TJP1: variants seen among roughly 807,000 people sequenced by gnomAD.
The protein encoded by TJP1 is tight junction protein 1, also known as tight junction protein ZO-1.
TJP1 carries 43 observed loss-of-function variants against 194.2 expected under a neutral mutation model. The ratio of observed to expected loss-of-function variants is 0.22; its 90% confidence interval spans 0.17 to 0.29. The LOEUF (loss-of-function observed/expected upper bound fraction) is 0.29, where lower values mean the gene tolerates loss of function less well. Ranked by LOEUF, TJP1 falls within the 10% of genes least tolerant of loss-of-function variation. The pLI, the probability that TJP1 is intolerant of heterozygous loss-of-function variation, is 1.00. For missense variants in TJP1, 1,971 were observed against 2,185.7 expected (o/e 0.90, Z 1.96); for synonymous variants, 801 against 779.0 (o/e 1.03, Z -0.47).
At chr15:29,921,308 T>G (rs2054350458) in intron 2 of TJP1, among the ~76,000 whole-genome samples, 1 of 152,176 alleles carries the variant, frequency 6.6e-6, no homozygotes, top group Admixed American at 6.5e-5. Context: ...TTCCTTTCAT[T>G]CCAGCTCACT....
At chr15:29,702,083 TCAGTAG>T (rs1360540427) in intron 27 of TJP1, among the ~76,000 whole-genome samples, 2 of 151,374 alleles carry the variant, frequency 1.3e-5, no homozygotes, top group East Asian at 3.9e-4. Flanking sequence ...CACATAATTA[TCAGTAG>T]CACTTTTTTT....
At chr15:29,897,908 T>G (rs2053526645) in intron 2 of TJP1, among the ~76,000 whole-genome samples, 2 of 152,168 alleles carry the variant, frequency 1.3e-5, no homozygotes, top group Admixed American at 1.3e-4. Context: ...TGCTTTTGAT[T>G]TTACAGGCTG....
In TJP1 at chr15:29,761,300, G is replaced by A. The variant is rs768210003; in HGVS notation, c.863-14C>T. The A allele has an allele frequency of 2.5e-5, 40 of 1,613,296 alleles. No individual in the cohort carries two copies. The highest frequency in any genetic ancestry group is 3.2e-5 in the Non-Finnish European group (38 of 1,179,818). ...TTTCTGAAATGTCTGTTAATAAAAG[G>A]GTGCTACTTATTTTCCCACAAAAAT... On this transcript the variant is annotated splice_polypyrimidine_tract_variant and intron_variant, in intron 7 of 27. Transcript: ENST00000614355.
intron 2 of TJP1, among the ~76,000 whole-genome samples, chr15:29,778,346 T>A (rs1216357407): frequency 2.7e-5 from 4 of 150,900 alleles, no homozygotes; most frequent in East Asian, 1.9e-4. Flanking sequence ...AAAAAAAAAA[T>A]AGCCCCCAGG....
intron 2 of TJP1, among the ~76,000 whole-genome samples, chr15:29,834,019 A>AC (rs11464697): frequency 0.86 from 109,998 of 128,190 alleles, 47,307 homozygotes; most frequent in East Asian, 0.96. Flanking sequence ...AGTAGCTGGG[A>AC]TACAGGCGCC....
chr15:29,844,086 C>T (rs1046382669), intron 2 of TJP1, among the ~76,000 whole-genome samples: 1 of 152,132 alleles, frequency 6.6e-6, no homozygotes, highest in Non-Finnish European at 1.5e-5. Flanking sequence ...GCTCTGTCGC[C>T]CAGGCTGGAG....
chr15:29,747,906 T>A (rs1366250865), intron 8 of TJP1, among the ~76,000 whole-genome samples: 6 of 152,216 alleles, frequency 3.9e-5, no homozygotes. Flanking sequence ...ATACAATCAT[T>A]ATAACATTAA....
At chr15:29,888,599 T>G (rs907780355) in intron 2 of TJP1, among the ~76,000 whole-genome samples, 7 of 152,186 alleles carry the variant, frequency 4.6e-5, no homozygotes, top group African/African-American at 1.7e-4. Context: ...TATGAGGCAT[T>G]TAAATACAAA....
At chr15:29,773,186 AG>A (rs2046802372) in intron 3 of TJP1, 46 bp downstream of exon 3, 1 of 1,606,794 alleles carries the variant, frequency 6.2e-7, no homozygotes, top group Non-Finnish European at 8.5e-7. Flanking sequence ...GCCTGAGGAG[AG>A]GAACACTGCT....
At chr15:29,842,769 C>T (rs897883730) in intron 2 of TJP1, among the ~76,000 whole-genome samples, 1 of 152,196 alleles carries the variant, frequency 6.6e-6, no homozygotes, top group Non-Finnish European at 1.5e-5. Context: ...TTTCCCTTAA[C>T]CCTGCTGCCC....
chr15:29,887,671 T>C (rs2053165657), intron 2 of TJP1, among the ~76,000 whole-genome samples: 1 of 152,294 alleles, frequency 6.6e-6, no homozygotes, highest in African/African-American at 2.4e-5. Flanking sequence ...TAGAAGAATC[T>C]AAAAAGAACA....
upstream of TJP1, chr15:29,822,510 C>A: frequency 2.0e-6 from 2 of 980,492 alleles, no homozygotes; most frequent in Non-Finnish European, 1.2e-6. Context: ...CCCGGCCCGG[C>A]GGGGGCGGGG....
At chr15:29,929,729 T>G (rs1197536243) in intron 2 of TJP1, among the ~76,000 whole-genome samples, 1 of 151,608 alleles carries the variant, frequency 6.6e-6, no homozygotes, top group African/African-American at 2.4e-5. Context: ...AATAAATAAA[T>G]GTATGACTCA....
chr15:29,718,688 C>T lies in TJP1; in HGVS notation c.3454G>A (p.Ala1152Thr). ...SRPRYEQAPR[A>T]SALRHEEQPA... ...TGCTCTTCGTGCCGCAGGGCGGATGCTCTAGGTGCCTGTTCGTAACGTGGT... is the reference window on the plus strand; with the variant it reads ...TGCTCTTCGTGCCGCAGGGCGGATGTTCTAGGTGCCTGTTCGTAACGTGGT... The change falls in exon 21 of 28, where the codon GCA becomes ACA. Residue 1152 changes from alanine (A) to threonine (T), a missense_variant. This residue lies in a region of TJP1 where 1,108 missense variants were observed against 1,128.5 expected (regional missense o/e 0.98). Coordinates refer to ENST00000614355, the MANE Select transcript of TJP1 (RefSeq NM_001330239.4). 2 of 1,614,102 alleles carry T rather than the reference C, an allele frequency of 1.2e-6. No homozygotes were observed. Among genetic ancestry groups the T allele is most frequent in the Non-Finnish European group, 1.7e-6 (2 of 1,180,022 alleles).
intron 2 of TJP1, among the ~76,000 whole-genome samples, chr15:29,871,382 A>C (rs1371713199): frequency 6.6e-6 from 1 of 152,230 alleles, no homozygotes; most frequent in Admixed American, 6.5e-5. Flanking sequence ...ATCTCCTTCC[A>C]GCTCCCCTCA....
intron 2 of TJP1, among the ~76,000 whole-genome samples, chr15:29,933,759 T>G (rs995073107): frequency 1.3e-5 from 2 of 152,082 alleles, no homozygotes; most frequent in Admixed American, 6.6e-5. Flanking sequence ...AGACTAAAGA[T>G]GCTGGGAAGA....
At chr15:29,930,887 AAT>A (rs2152269880) in intron 2 of TJP1, among the ~76,000 whole-genome samples, 1 of 152,342 alleles carries the variant, frequency 6.6e-6, no homozygotes, top group African/African-American at 2.4e-5. Flanking sequence ...CTGAAAATAC[AAT>A]AGTCAGTTAC....
At chr15:29,793,702 T>C (rs985291633) in intron 2 of TJP1, among the ~76,000 whole-genome samples, 1 of 152,174 alleles carries the variant, frequency 6.6e-6, no homozygotes, top group Non-Finnish European at 1.5e-5. Flanking sequence ...AAACCATTCA[T>C]GAGAACTCCA....
intron 2 of TJP1, among the ~76,000 whole-genome samples, chr15:29,877,958 C>T (rs2043927750): frequency 1.3e-5 from 2 of 152,258 alleles, no homozygotes; most frequent in African/African-American, 2.4e-5. Flanking sequence ...TGAGCCACCC[C>T]GCCCGGCCGA....
Sources: gnomAD v4.1 joint callset for allele counts (sites outside exome capture counted in the v4.1 genomes callset) on GRCh38, gnomAD v4.1.1 for gene constraint, gnomAD v4.1.1 regional missense constraint, MANE v1.5 for transcripts, NCBI Gene and HGNC (gene_info 2026-07-23, HGNC 2026-07-21) for gene names.